Variants in TACR3 observed in about 807,000 individuals in gnomAD.
The protein encoded by TACR3 is neuromedin-K receptor.
TACR3 carries 34 observed loss-of-function variants against 35.0 expected under a neutral mutation model. The observed-to-expected ratio is 0.97, with a 90% confidence interval of 0.74 to 1.30. The LOEUF is 1.30. TACR3 is among the 50% of genes most tolerant of loss of function. The probability of loss-of-function intolerance (pLI) is 0.00; values close to 1 mark genes in which losing one functional copy is unlikely to be tolerated. For synonymous variants in TACR3, 233 were observed against 221.1 expected, an observed-to-expected ratio of 1.05 and a Z score of -0.48; for missense variants, 558 against 591.7, an observed-to-expected ratio of 0.94 and a Z score of 0.59.
intron 3 of TACR3, among the ~76,000 whole-genome samples, chr4:103,608,018 C>G (rs1355725823): frequency 1.3e-5 from 2 of 152,098 alleles, no homozygotes; most frequent in East Asian, 3.9e-4. Context: ...CAGTCAAAAT[C>G]TAAATGGAAA....
intron 3 of TACR3, among the ~76,000 whole-genome samples, chr4:103,639,526 G>T (rs903726476): frequency 1.3e-5 from 2 of 151,860 alleles, no homozygotes; most frequent in Non-Finnish European, 2.9e-5. Flanking sequence ...CACCAACATG[G>T]CACATGTATA....
Position 103,600,082 on chromosome 4 carries a change from T to C in TACR3, c.889-8399A>G, listed in dbSNP as rs187762453. Among the ~76,000 whole-genome samples the C allele has an allele frequency of 8.8e-3, 1,334 of 152,194 alleles. 15 individuals are homozygous for C. Among genetic ancestry groups the C allele is most frequent in the Non-Finnish European group, 0.015 (1,004 of 67,960 alleles). On this transcript the variant is annotated intron_variant, in intron 3 of 4. Coordinates refer to ENST00000304883, the MANE Select transcript of TACR3 (RefSeq NM_001059.3). ...AGAATTCGGCTGTGAATCCATCTGG[T>C]CCTGGACTTTTTTTGGTTGGTAAGC... is the stretch of plus-strand genomic sequence containing the variant.
chr4:103,592,411 C>T (rs777617851), intron 3 of TACR3, among the ~76,000 whole-genome samples: 1 of 152,198 alleles, frequency 6.6e-6, no homozygotes, highest in South Asian at 2.1e-4. Flanking sequence ...TGATAATATC[C>T]TGGACAGCTC....
intron 1 of TACR3, among the ~76,000 whole-genome samples, chr4:103,679,174 G>A (rs1726236008): frequency 6.6e-6 from 1 of 151,968 alleles, no homozygotes; most frequent in African/African-American, 2.4e-5. Context: ...TTTAGTTCTG[G>A]AGGCCCTAAC....
intron 1 of TACR3, among the ~76,000 whole-genome samples, chr4:103,702,409 T>G (rs1404648067): frequency 2.0e-5 from 3 of 152,170 alleles, no homozygotes; most frequent in African/African-American, 7.2e-5. Flanking sequence ...CAACAGGTGC[T>G]GGAGGGAATA....
intron 3 of TACR3, among the ~76,000 whole-genome samples, chr4:103,598,104 TC>T (rs1251513343): frequency 6.6e-6 from 1 of 152,182 alleles, no homozygotes; most frequent in Non-Finnish European, 1.5e-5. Flanking sequence ...CCACATCCTC[TC>T]CAGCACCTGT....
At chr4:103,644,721 A>G (rs931924055) in intron 3 of TACR3, among the ~76,000 whole-genome samples, 5 of 151,674 alleles carry the variant, frequency 3.3e-5, no homozygotes, top group African/African-American at 1.2e-4. Flanking sequence ...TTATACCAAG[A>G]TGATAACATG....
chr4:103,702,687 G>A lies in TACR3; in HGVS notation c.548+16441C>T, dbSNP rs112582334. Among the ~76,000 whole-genome samples the A allele has an allele frequency of 4.3e-3, 647 of 152,178 alleles. 3 individuals carry two copies. Among genetic ancestry groups the A allele is most frequent in the African/African-American group, 0.014 (598 of 41,512 alleles). On this transcript the variant is annotated intron_variant, in intron 1 of 4. Coordinates refer to ENST00000304883, the MANE Select transcript of TACR3 (RefSeq NM_001059.3). ...CAATGATGGACTGGATTAAGAAAATGTGGCACATATACACCATGGAATACT... is the reference window on the plus strand; with the variant it reads ...CAATGATGGACTGGATTAAGAAAATATGGCACATATACACCATGGAATACT...
intron 1 of TACR3, among the ~76,000 whole-genome samples, chr4:103,713,892 T>C (rs1356612420): frequency 6.6e-6 from 1 of 152,162 alleles, no homozygotes; most frequent in African/African-American, 2.4e-5. Context: ...GTGAGACTTC[T>C]AGGCAGTAGC....
chr4:103,700,813 C>T (rs1722633120), intron 1 of TACR3, among the ~76,000 whole-genome samples: 1 of 152,148 alleles, frequency 6.6e-6, no homozygotes, highest in South Asian at 2.1e-4. Flanking sequence ...ATGATTATCT[C>T]AATAGATGCA....
At chr4:103,701,845 A>G (rs1722658292) in intron 1 of TACR3, among the ~76,000 whole-genome samples, 1 of 152,188 alleles carries the variant, frequency 6.6e-6, no homozygotes, top group African/African-American at 2.4e-5. Context: ...CTGGCTAGCC[A>G]TATGTAGAAA....
intron 3 of TACR3, among the ~76,000 whole-genome samples, chr4:103,635,823 G>A (rs1350887623): frequency 6.6e-6 from 1 of 151,890 alleles, no homozygotes; most frequent in Non-Finnish European, 1.5e-5. Context: ...AGAAAACAAT[G>A]ATCCTACCAA....
At chr4:103,642,109 GAATA>G (rs1364118376) in intron 3 of TACR3, among the ~76,000 whole-genome samples, 2 of 151,600 alleles carry the variant, frequency 1.3e-5, no homozygotes, top group African/African-American at 2.4e-5. Context: ...ATTGCTAAGA[GAATA>G]AATTTCAAAT....
At position 103,591,188 on chromosome 4, in the gene TACR3, A is replaced by G. The variant is rs927953955; in HGVS notation, c.1085+299T>C. ...TCAATTCTCCTTTAATCATGAGGGC[A>G]CTTCTTTTTCTTTGGCAGGTAAAAT... is the stretch of plus-strand genomic sequence containing the variant. On this transcript the variant is annotated intron_variant, in intron 4 of 4. Coordinates refer to ENST00000304883, the MANE Select transcript of TACR3 (RefSeq NM_001059.3). The G allele has an allele frequency of 1.2e-5, 5 of 431,642 alleles. No individual in the cohort carries two copies. In the East Asian group the frequency reaches 1.8e-4, roughly 15 times the overall value. 26.7% of individuals were successfully genotyped at this position (431,642 alleles called of 1,614,324 possible).
chr4:103,702,600 ATG>A (rs1157161935), intron 1 of TACR3, among the ~76,000 whole-genome samples: 2 of 152,148 alleles, frequency 1.3e-5, no homozygotes, highest in African/African-American at 4.8e-5. Context: ...ACACATGCAC[ATG>A]TATGTTTATT....
intron 3 of TACR3, among the ~76,000 whole-genome samples, chr4:103,615,320 C>A (rs1261072815): frequency 6.6e-6 from 1 of 151,086 alleles, no homozygotes; most frequent in African/African-American, 2.4e-5. Context: ...AAGTATGCAG[C>A]TAGTAGGAGT....
intron 1 of TACR3, among the ~76,000 whole-genome samples, chr4:103,706,676 A>G (rs3796952): frequency 0.12 from 17,697 of 152,140 alleles, 1,342 homozygotes; most frequent in East Asian, 0.37. Context: ...TGATATTTAG[A>G]GGGTAGGATA....
intron 3 of TACR3, among the ~76,000 whole-genome samples, chr4:103,651,081 G>C (rs1203477047): frequency 2.1e-5 from 3 of 143,538 alleles, no homozygotes; most frequent in Non-Finnish European, 4.5e-5. Context: ...ATGCTTGCAG[G>C]CTGGCATACT....
intron 3 of TACR3, among the ~76,000 whole-genome samples, chr4:103,635,575 G>C (rs74827081): frequency 0.036 from 5,484 of 152,016 alleles, 134 homozygotes; most frequent in Non-Finnish European, 0.055. Flanking sequence ...GAAAACTTTG[G>C]CTCTAACCAA....
Sources: gnomAD v4.1 joint callset for allele counts (sites outside exome capture counted in the v4.1 genomes callset) on GRCh38, gnomAD v4.1.1 for gene constraint, MANE v1.5 for transcripts, NCBI Gene and HGNC (gene_info 2026-07-23, HGNC 2026-07-21) for gene names.